Variants in FER1L5 observed in about 807,000 individuals in gnomAD.
FER1L5 encodes fer-1 like family member 5, also known as fer-1-like protein 5.
Under a neutral mutation model 279.9 loss-of-function variants are expected in FER1L5, and 187 were observed. The observed-to-expected ratio is 0.67, with a 90% CI of 0.59 to 0.75. FER1L5 has a LOEUF of 0.75. Ranked by LOEUF, FER1L5 falls within the 30% of genes least tolerant of loss-of-function variation. The probability of loss-of-function intolerance (pLI) is 0.00; values close to 1 mark genes in which losing one functional copy is unlikely to be tolerated. For synonymous variants in FER1L5, 921 were observed against 989.7 expected (o/e 0.93, Z 1.30); for missense variants, 2,091 against 2,594.4 (o/e 0.81, Z 4.21).
chr2:96,651,235 T>TTCTC lies in FER1L5; in HGVS notation c.505-655_505-652dup, dbSNP rs764068951. Among the ~76,000 whole-genome samples, 8 of 139,606 alleles carry TTCTC rather than the reference T, an allele frequency of 5.7e-5. No homozygotes were observed. In the East Asian group the frequency reaches 8.8e-4, roughly 15 times the overall value. 91.6% of individuals were successfully genotyped at this position (139,606 alleles called of 152,430 possible). ...TAGGGCTACAACTTTCTTTCTTTCTTTCTCTTTCTTTCTTTCTTTCTTTCT... is the reference window on the plus strand; with the variant it reads ...TAGGGCTACAACTTTCTTTCTTTCTTTCTCTCTCTTTCTTTCTTTCTTTCTTTCT... On this transcript the variant is annotated intron_variant, in intron 6 of 52. Transcript: ENST00000624922.
chr2:96,669,905 G>A (rs2076261677), intron 17 of FER1L5, among the ~76,000 whole-genome samples: 1 of 152,134 alleles, frequency 6.6e-6, no homozygotes, highest in Non-Finnish European at 1.5e-5. Flanking sequence ...GTATTCCATG[G>A]GGCAGGCAGG....
chr2:96,695,230 G>A (rs1298769154), intron 34 of FER1L5: 2 of 413,234 alleles, frequency 4.8e-6, no homozygotes. Flanking sequence ...ATGCCTGCGG[G>A]CTATGGAGGT....
Position 96,699,600 on chromosome 2 carries a change from A to G in FER1L5, c.4661A>G (p.Gln1554Arg). 2 of 1,614,046 alleles carry G rather than the reference A, an allele frequency of 1.2e-6. No individual in the cohort carries two copies. Among genetic ancestry groups the G allele is most frequent in the Non-Finnish European group, 1.7e-6 (2 of 1,179,908 alleles). ...CCCCTGGAGAAGGACCTAGAGATCC[A>G]GCTCTATGACTTCGACCTATTTTCA... ...NIPLEKDLEIQLYDFDLFSPD... is the reference protein window; with the variant it reads ...NIPLEKDLEIRLYDFDLFSPD... The change falls in exon 43 of 53, where the codon CAG (glutamine) becomes CGG (arginine). Residue 1554 changes from glutamine (Q) to arginine (R), a missense_variant. Transcript: ENST00000624922.
chr2:96,652,264 C>T lies in FER1L5; in HGVS notation c.633+244C>T, dbSNP rs186889064. On this transcript the variant is annotated intron_variant, in intron 7 of 52. Coordinates refer to ENST00000624922, the MANE Select transcript of FER1L5 (RefSeq NM_001293083.2). ...GAATCCGTAAACAATTACAACAGAG[C>T]AGATCCTGGTTTACAGAGGTCTGGG... 1.3e-5 allele frequency: 7 copies of T among 534,648 alleles called. No homozygotes were observed. The East Asian group carries it at 2.3e-4, about 18-fold the overall frequency. 33.1% of individuals were successfully genotyped at this position (534,648 alleles called of 1,614,324 possible). A position where few individuals can be genotyped will look rare whatever the true frequency, so the allele number is the denominator to read the frequency against.
chr2:96,674,487 G>A (rs761381551), intron 19 of FER1L5, among the ~76,000 whole-genome samples: 3 of 152,182 alleles, frequency 2.0e-5, no homozygotes, highest in Non-Finnish European at 4.4e-5. Context: ...GTCTCCCAAA[G>A]TGCTGGGATT....
rs563426157 is a variant in FER1L5, at chr2:96,673,090, G to T, written c.1505G>T (p.Arg502Leu). The T allele has an allele frequency of 8.4e-6, 13 of 1,551,158 alleles. No individual in the cohort carries two copies. In the East Asian group the frequency reaches 3.2e-4, roughly 38 times the overall value. Residue 502 changes from arginine (R) to leucine (L), a missense_variant, in exon 19 of 53, where the codon CGC becomes CTC. By Grantham distance (102) the Arg-to-Leu change is moderately radical (BLOSUM62 -2). Transcript: ENST00000624922. ...EVTRIEKHQN[R>L]QKYGLCVIFL... ...TTATTGTTTCAGAAGCACCAGAACC[G>T]CCAAAAGTATGGGCTGTGCGTCATC...
intron 7 of FER1L5, 78 bp from the exon 8 acceptor site, chr2:96,653,562 G>A (rs75299557): frequency 8.9e-7 from 1 of 1,117,464 alleles, no homozygotes; most frequent in Non-Finnish European, 1.3e-6. Context: ...ACATTATTCT[G>A]AGCTTTCAGG....
intron 9 of FER1L5, among the ~76,000 whole-genome samples, chr2:96,656,083 A>G (rs1186525458): frequency 6.6e-6 from 1 of 152,016 alleles, no homozygotes; most frequent in East Asian, 1.9e-4. Flanking sequence ...ATCTTCATCA[A>G]TTCACAGTCA....
At chr2:96,699,226 C>A in intron 42 of FER1L5, 90 bp downstream of exon 42, 1 of 1,318,196 alleles carries the variant, frequency 7.6e-7, no homozygotes, top group Non-Finnish European at 1.1e-6. Context: ...CTCTGGCACT[C>A]CTGTCCAGCC....
chr2:96,698,292 G>T lies in FER1L5; in HGVS notation c.4356+136G>T. 7.6e-7 allele frequency: 1 copy of T among 1,313,466 alleles called. No individual in the cohort carries two copies. The highest frequency in any genetic ancestry group is 1.5e-5 in the South Asian group (1 of 64,956). 81.4% of individuals were successfully genotyped at this position (1,313,466 alleles called of 1,614,324 possible). A position where few individuals can be genotyped will look rare whatever the true frequency, so the allele number is the denominator to read the frequency against. ...TTGAGAACGTTCTGGGAGTGGAGGA[G>T]CAGAGATTCGCCTCCACAGGAACTC... On this transcript the variant is annotated intron_variant, in intron 40 of 52. Transcript: ENST00000624922. The surrounding 1 kb of genome is among the most constrained non-coding windows in gnomAD (Gnocchi z 5.5).
At chr2:96,644,439 G>A (rs2075029027) in intron 1 of FER1L5, among the ~76,000 whole-genome samples, 2 of 152,090 alleles carry the variant, frequency 1.3e-5, no homozygotes, top group East Asian at 1.9e-4. Context: ...CCAAGATAGC[G>A]CCACTGCACT....
chr2:96,659,782 C>T (rs1353952274), intron 9 of FER1L5, among the ~76,000 whole-genome samples: 1 of 152,030 alleles, frequency 6.6e-6, no homozygotes, highest in African/African-American at 2.4e-5. Flanking sequence ...TGAGCCACTG[C>T]GTCCGGCCAA....
At position 96,669,071 on chromosome 2, in the gene FER1L5, T is replaced by C. The variant is rs1227033899; in HGVS notation, c.1296T>C (p.Phe432=). ...TGTACTCCGGCTTCCTGCCCTGCTT[T>C]GGCCCCAGCTTCCTGACTCTGCATG... ...EGVYSGFLPC[F]GPSFLTLHGG... Residue 432 remains phenylalanine, a synonymous_variant, in exon 17 of 53, where the codon TTT becomes TTC. Transcript: ENST00000624922. 7 of 1,551,708 alleles carry C rather than the reference T, an allele frequency of 4.5e-6. No homozygotes were observed. The South Asian group carries it at 8.3e-5, about 18-fold the overall frequency.
intron 7 of FER1L5, chr2:96,652,832 G>A (rs866756696): frequency 1.3e-5 from 2 of 152,424 alleles, no homozygotes; most frequent in African/African-American, 2.4e-5. Context: ...CAACCTAGAA[G>A]GAGGTGTGGG....
At chr2:96,677,400 A>G (rs1446269998) in intron 19 of FER1L5, among the ~76,000 whole-genome samples, 1 of 152,184 alleles carries the variant, frequency 6.6e-6, no homozygotes, top group Non-Finnish European at 1.5e-5. Flanking sequence ...CATCTTTTGC[A>G]TCTGGCTTCC....
intron 5 of FER1L5, 92 bp downstream of exon 5, chr2:96,649,769 C>T (rs1007670438): frequency 1.6e-6 from 2 of 1,250,572 alleles, no homozygotes; most frequent in Admixed American, 2.0e-5. Flanking sequence ...CAAAACCCAG[C>T]CCTTGAGGCC....
chr2:96,702,061 TC>T lies in FER1L5; in HGVS notation c.5159+21del. 1 of 1,613,368 alleles carries T rather than the reference TC, an allele frequency of 6.2e-7. No individual in the cohort carries two copies. Among genetic ancestry groups the T allele is most frequent in the Non-Finnish European group, 8.5e-7 (1 of 1,179,434 alleles). ...CCTAAACGGTGAGTGACAGCCCACT[TC>T]CCAACTGCTGCATTTCACAGTTCAG... On this transcript the variant is annotated intron_variant, in intron 46 of 52. Transcript: ENST00000624922. The surrounding 1 kb of genome is among the most constrained non-coding windows in gnomAD (Gnocchi z 4.0).
chr2:96,671,878 A>T (rs561944320), intron 18 of FER1L5, among the ~76,000 whole-genome samples: 1 of 152,232 alleles, frequency 6.6e-6, no homozygotes, highest in Non-Finnish European at 1.5e-5. Flanking sequence ...TATTAGGAAG[A>T]TGTCAGTAGC....
intron 1 of FER1L5, among the ~76,000 whole-genome samples, chr2:96,644,997 CAG>C (rs1184459111): frequency 6.6e-6 from 1 of 152,180 alleles, no homozygotes; most frequent in Non-Finnish European, 1.5e-5. Context: ...TGAATACAAA[CAG>C]ATTCTTCTGA....
Sources: allele counts gnomAD v4.1 joint callset (sites outside exome capture counted in the v4.1 genomes callset), GRCh38; gene constraint gnomAD v4.1.1; non-coding constraint Gnocchi (gnomAD v3.1); transcripts MANE v1.5; gene names NCBI Gene and HGNC (gene_info 2026-07-23, HGNC 2026-07-21).